Variants in LPA observed in about 807,000 individuals in gnomAD.
LPA encodes the protein lipoprotein(a).
A neutral mutation model predicts 197.9 loss-of-function variants in LPA; 199 were observed. The observed-to-expected ratio is 1.01, with a 90% CI of 0.90 to 1.13. LPA has a LOEUF of 1.13. LPA is among the 50% of genes most tolerant of loss of function. The pLI is 0.00. For missense variants in LPA, 1,853 were observed against 1,785.8 expected, an observed-to-expected ratio of 1.04 and a Z score of -0.68; for synonymous variants, 715 against 639.5, an observed-to-expected ratio of 1.12 and a Z score of -1.78.
chr6:160,571,709 G>A lies in LPA; in HGVS notation c.4631+5427C>T, dbSNP rs41264304. Among the ~76,000 whole-genome samples the A allele has an allele frequency of 3.9e-3, 589 of 152,264 alleles. 5 individuals are homozygous for A. Among genetic ancestry groups the A allele is most frequent in the African/African-American group, 0.014 (564 of 41,558 alleles). On this transcript the variant is annotated intron_variant, in intron 28 of 38. Coordinates refer to ENST00000316300, the MANE Select transcript of LPA (RefSeq NM_005577.4). ...ACCTCCTACTCAAGCCCCAGTATTTGTGGATACCCCTCCTCCCACCAAGCT... is the reference window on the plus strand; with the variant it reads ...ACCTCCTACTCAAGCCCCAGTATTTATGGATACCCCTCCTCCCACCAAGCT...
At chr6:160,647,164 G>T (rs1334472906) in intron 2 of LPA, among the ~76,000 whole-genome samples, 1 of 152,148 alleles carries the variant, frequency 6.6e-6, no homozygotes, top group Non-Finnish European at 1.5e-5. Context: ...CTCCAGAACT[G>T]GGGGATGAGT....
rs1780140106 is a variant in LPA, at chr6:160,656,775, T to A, written c.50-6278A>T. On this transcript the variant is annotated intron_variant, in intron 1 of 38. Transcript: ENST00000316300. The stretch of plus-strand genomic sequence containing the variant: ...CAGTGGGTTCTGGAACTGTAACAGG[T>A]TCGAGTCTGGAAATTGATTGAGGGC... Among the ~76,000 whole-genome samples the A allele has an allele frequency of 3.9e-5, 6 of 152,288 alleles. No individual in the cohort carries two copies. In the South Asian group the frequency reaches 1.2e-3, roughly 32 times the overall value.
chr6:160,637,543 TTGTG>T (rs63614560), intron 6 of LPA, among the ~76,000 whole-genome samples: 26 of 17,644 alleles, frequency 1.5e-3, no homozygotes, highest in African/African-American at 3.6e-3. Flanking sequence ...TGTTTTCAGT[TTGTG>T]TGTGTGTGTG....
chr6:160,575,740 T>C (rs1354716257), intron 28 of LPA, among the ~76,000 whole-genome samples: 1 of 152,228 alleles, frequency 6.6e-6, no homozygotes, highest in Non-Finnish European at 1.5e-5. Context: ...GCCATCTCCA[T>C]TGAACTCATT....
intron 2 of LPA, among the ~76,000 whole-genome samples, chr6:160,646,880 C>T (rs1779891756): frequency 6.6e-6 from 1 of 151,420 alleles, no homozygotes; most frequent in Middle Eastern, 3.2e-3. Context: ...GAAAACATGG[C>T]ATCAAGGAGG....
chr6:160,635,759 C>T (rs1779805484), intron 6 of LPA, among the ~76,000 whole-genome samples: 1 of 90,658 alleles, frequency 1.1e-5, no homozygotes, highest in Non-Finnish European at 2.2e-5. Context: ...GGAGTTGCAA[C>T]GAACATGTAG....
In LPA at chr6:160,603,484, G is replaced by C. The variant is rs1017082191; in HGVS notation, c.2945+1562C>G. 5.9e-5 allele frequency among the ~76,000 whole-genome samples: 9 copies of C among 152,064 alleles called. No homozygotes were observed. In the East Asian group the frequency reaches 7.7e-4, roughly 13 times the overall value. On this transcript the variant is annotated intron_variant, in intron 18 of 38. Coordinates refer to ENST00000316300, the MANE Select transcript of LPA (RefSeq NM_005577.4). ...AATTTGGCTCTTCTATACTGTTACT[G>C]TCTCTTGATATGGTATCTGCTTCAT...
At chr6:160,649,626 T>C (rs1779968108) in intron 2 of LPA, among the ~76,000 whole-genome samples, 1 of 152,200 alleles carries the variant, frequency 6.6e-6, no homozygotes. Context: ...TTGTTCTCTC[T>C]CTCGCAATTC....
At chr6:160,540,966 G>T in intron 35 of LPA, 141 bp downstream of exon 35, 3 of 734,882 alleles carry the variant, frequency 4.1e-6, no homozygotes, top group Non-Finnish European at 7.2e-6. Context: ...TGCATTCCCT[G>T]GTTCCTAGTG....
In LPA at chr6:160,609,625, G is replaced by A. The variant is rs1456831381; in HGVS notation, c.2603+1937C>T. Among the ~76,000 whole-genome samples the A allele has an allele frequency of 6.6e-5, 10 of 151,962 alleles. No individual in the cohort carries two copies. The East Asian group carries it at 1.7e-3, about 26-fold the overall frequency. On this transcript the variant is annotated intron_variant, in intron 16 of 38. Coordinates refer to ENST00000316300, the MANE Select transcript of LPA (RefSeq NM_005577.4). ...AAAGTTATCAGCCATCCGTGATTCC[G>A]GTATTTGTATCTACTCCAAACTCCC...
chr6:160,608,715 G>A (rs1264676862), intron 16 of LPA, among the ~76,000 whole-genome samples: 2 of 151,776 alleles, frequency 1.3e-5, no homozygotes, highest in Non-Finnish European at 2.9e-5. Flanking sequence ...CCAATCTCCC[G>A]TTCTCTTTTC....
intron 1 of LPA, among the ~76,000 whole-genome samples, chr6:160,661,476 T>G (rs958224005): frequency 6.6e-6 from 1 of 152,248 alleles, no homozygotes; most frequent in East Asian, 1.9e-4. Context: ...AGATTCTCAT[T>G]CTCAGAAAGG....
chr6:160,577,683 C>T (rs1004042022), intron 27 of LPA, among the ~76,000 whole-genome samples: 6 of 152,126 alleles, frequency 3.9e-5, no homozygotes, highest in South Asian at 2.1e-4. Flanking sequence ...AAGACCCTTG[C>T]GCATTTCCCT....
intron 37 of LPA, among the ~76,000 whole-genome samples, chr6:160,533,850 T>C (rs935364118): frequency 2.0e-5 from 3 of 152,244 alleles, no homozygotes; most frequent in African/African-American, 7.2e-5. Context: ...ACTGCTTAAT[T>C]TCCTTCGCCA....
intron 30 of LPA, among the ~76,000 whole-genome samples, chr6:160,552,020 C>A (rs1410968840): frequency 1.3e-5 from 2 of 151,618 alleles, no homozygotes; most frequent in African/African-American, 4.9e-5. Context: ...TCAAGCAATC[C>A]TCTCACCTCA....
chr6:160,595,275 G>A, intron 21 of LPA, 79 bp downstream of exon 21: 1 of 1,540,042 alleles, frequency 6.5e-7, no homozygotes, highest in Non-Finnish European at 8.9e-7. Context: ...AGCATGGAAG[G>A]CTTCTATATC....
intron 23 of LPA, 123 bp downstream of exon 23, chr6:160,590,821 G>T: frequency 7.4e-7 from 1 of 1,358,458 alleles, no homozygotes; most frequent in Non-Finnish European, 1.0e-6. Flanking sequence ...CCTTCCCATT[G>T]GCTGACCCTG....
intron 1 of LPA, among the ~76,000 whole-genome samples, chr6:160,654,806 C>G (rs1582903463): frequency 6.6e-6 from 1 of 152,142 alleles, no homozygotes; most frequent in Non-Finnish European, 1.5e-5. Context: ...CACAAGTGTA[C>G]ACATGCATTT....
intron 28 of LPA, among the ~76,000 whole-genome samples, chr6:160,559,730 C>G (rs952437727): frequency 6.6e-6 from 1 of 152,176 alleles, no homozygotes; most frequent in Non-Finnish European, 1.5e-5. Context: ...GTCCTTATGT[C>G]TTAAATGAGT....
Sources: gnomAD v4.1 joint callset for allele counts (sites outside exome capture counted in the v4.1 genomes callset) on GRCh38, gnomAD v4.1.1 for gene constraint, MANE v1.5 for transcripts, NCBI Gene and HGNC (gene_info 2026-07-23, HGNC 2026-07-21) for gene names.